The following CAPS2 variants were observed in gnomAD, a reference collection of about 807,000 sequenced individuals.
CAPS2 encodes calcyphosine 2.
CAPS2 carries 98 observed loss-of-function variants against 86.5 expected under a neutral mutation model. The ratio of observed to expected loss-of-function variants is 1.13; its 90% CI spans 0.96 to 1.34. CAPS2 has a LOEUF of 1.34. CAPS2 is among the 40% of genes most tolerant of loss of function. CAPS2 has a pLI of 0.00. For missense variants in CAPS2, 729 were observed against 686.8 expected (o/e 1.06, Z -0.69); for synonymous variants, 210 against 225.1 (o/e 0.93, Z 0.60).
chr12:75,332,628 A>C (rs538785428), upstream of CAPS2, among the ~76,000 whole-genome samples: 3 of 152,280 alleles, frequency 2.0e-5, no homozygotes, highest in Non-Finnish European at 2.9e-5. Flanking sequence ...TGCTCTCAAG[A>C]AGCTTACAGT....
intron 1 of CAPS2, chr12:75,366,880 T>G: frequency 2.9e-6 from 2 of 701,636 alleles, no homozygotes; most frequent in Admixed American, 4.0e-5. Flanking sequence ...CTAATTTTGT[T>G]GAGGGTTCCC....
intron 1 of CAPS2, among the ~76,000 whole-genome samples, chr12:75,368,236 T>C (rs1372851335): frequency 6.6e-6 from 1 of 151,508 alleles, no homozygotes; most frequent in African/African-American, 2.4e-5. Context: ...GATGGCTAGA[T>C]TCTTTTTAAC....
At chr12:75,372,426 C>T (rs567329989) in intron 1 of CAPS2, among the ~76,000 whole-genome samples, 1 of 152,262 alleles carries the variant, frequency 6.6e-6, no homozygotes, top group Admixed American at 6.5e-5. Context: ...ATCCTAACCT[C>T]CAGTTTAATA....
At chr12:75,376,057 T>C (rs2044632401) in intron 1 of CAPS2, among the ~76,000 whole-genome samples, 1 of 152,174 alleles carries the variant, frequency 6.6e-6, no homozygotes, top group Non-Finnish European at 1.5e-5. Flanking sequence ...AAGTGATGAA[T>C]TCACTCTAGC....
intron 1 of CAPS2, among the ~76,000 whole-genome samples, chr12:75,349,025 T>C (rs1357963582): frequency 6.6e-6 from 1 of 152,144 alleles, no homozygotes; most frequent in Non-Finnish European, 1.5e-5. Context: ...GGAATACCAA[T>C]ACAGCTAGAG....
At chr12:75,302,587 T>A (rs1455123428) in intron 8 of CAPS2, among the ~76,000 whole-genome samples, 2 of 152,168 alleles carry the variant, frequency 1.3e-5, no homozygotes, top group African/African-American at 2.4e-5. Flanking sequence ...TTGAGACAGA[T>A]ATAATCAAGA....
intron 14 of CAPS2, among the ~76,000 whole-genome samples, chr12:75,287,111 T>A (rs1443573263): frequency 6.7e-6 from 1 of 150,206 alleles, no homozygotes; most frequent in Non-Finnish European, 1.5e-5. Flanking sequence ...TATATATATA[T>A]TATATATATA....
intron 14 of CAPS2, among the ~76,000 whole-genome samples, chr12:75,285,651 CA>C (rs1483582985): frequency 1.3e-5 from 2 of 151,824 alleles, no homozygotes; most frequent in Non-Finnish European, 2.9e-5. Context: ...CTTATCTTTT[CA>C]ACTTTAATTT....
intron 8 of CAPS2, among the ~76,000 whole-genome samples, chr12:75,301,810 T>C (rs1160843872): frequency 1.3e-5 from 2 of 152,190 alleles, no homozygotes; most frequent in Non-Finnish European, 2.9e-5. Context: ...AAAGTAAATA[T>C]GTATTTACAT....
intron 11 of CAPS2, among the ~76,000 whole-genome samples, chr12:75,293,931 T>C (rs150215153): frequency 1.5e-3 from 226 of 152,232 alleles, no homozygotes; most frequent in African/African-American, 5.1e-3. Context: ...AAATACCAAA[T>C]ATAATTTTTA....
At chr12:75,288,583 T>A (rs1353872711) in intron 14 of CAPS2, among the ~76,000 whole-genome samples, 1 of 152,192 alleles carries the variant, frequency 6.6e-6, no homozygotes. Context: ...ATGCAAGAGA[T>A]CCTTTATCTG....
chr12:75,337,850 T>C (rs2041843052), intron 1 of CAPS2, among the ~76,000 whole-genome samples: 2 of 152,174 alleles, frequency 1.3e-5, no homozygotes, highest in African/African-American at 2.4e-5. Flanking sequence ...TTCTTTGTCT[T>C]GTACAAATGA....
At chr12:75,284,756 G>A (rs2034570384) in intron 15 of CAPS2, among the ~76,000 whole-genome samples, 1 of 151,910 alleles carries the variant, frequency 6.6e-6, no homozygotes, top group Non-Finnish European at 1.5e-5. Flanking sequence ...TCCTTTCATA[G>A]TATTTTTCTA....
chr12:75,336,529 A>G (rs2041750295), intron 1 of CAPS2, among the ~76,000 whole-genome samples: 1 of 151,864 alleles, frequency 6.6e-6, no homozygotes, highest in Non-Finnish European at 1.5e-5. Flanking sequence ...CTACTGAAGT[A>G]GATTTTAAGA....
chr12:75,302,440 T>G (rs1193432393), intron 8 of CAPS2, among the ~76,000 whole-genome samples: 1 of 152,220 alleles, frequency 6.6e-6, no homozygotes, highest in Non-Finnish European at 1.5e-5. Flanking sequence ...ATATGACATA[T>G]GTGGCATTAC....
chr12:75,347,204 T>C (rs1408959481), intron 1 of CAPS2, among the ~76,000 whole-genome samples: 1 of 152,146 alleles, frequency 6.6e-6, no homozygotes, highest in African/African-American at 2.4e-5. Flanking sequence ...AAATTTAAGA[T>C]GTAATTTGTA....
chr12:75,380,992 G>C (rs1277456848), intron 1 of CAPS2, among the ~76,000 whole-genome samples: 1 of 152,074 alleles, frequency 6.6e-6, no homozygotes, highest in African/African-American at 2.4e-5. Flanking sequence ...AATATAAATA[G>C]TCTCGGATTT....
chr12:75,323,003 G>C, exon 4 of CAPS2: 1 of 1,545,736 alleles, frequency 6.5e-7, no homozygotes, highest in Non-Finnish European at 8.8e-7. Context: ...TGAGTATATG[G>C]AGTTTGACAT....
At chr12:75,349,892 G>A (rs1036502749) in intron 1 of CAPS2, among the ~76,000 whole-genome samples, 1 of 152,226 alleles carries the variant, frequency 6.6e-6, no homozygotes, top group South Asian at 2.1e-4. Flanking sequence ...GATAAAAAGT[G>A]TATCAGCTGC....
Sources: gnomAD v4.1 joint callset for allele counts (sites outside exome capture counted in the v4.1 genomes callset) on GRCh38, gnomAD v4.1.1 for gene constraint, MANE v1.5 for transcripts, NCBI Gene and HGNC (gene_info 2026-07-23, HGNC 2026-07-21) for gene names.